TNFRSF10D: variants seen among roughly 807,000 people sequenced by gnomAD.
TNFRSF10D encodes the protein TNF receptor superfamily member 10d.
TNFRSF10D carries 28 observed loss-of-function variants against 42.1 expected under a neutral mutation model. The ratio of observed to expected loss-of-function variants is 0.66; its 90% CI spans 0.49 to 0.91. The LOEUF is 0.91. TNFRSF10D is among the 40% of genes least tolerant of loss of function. The pLI, the probability that TNFRSF10D is intolerant of heterozygous loss-of-function variation, is 0.00. For synonymous variants in TNFRSF10D, 186 were observed against 189.4 expected (o/e 0.98, Z 0.15); for missense variants, 503 against 486.1 (o/e 1.03, Z -0.33).
At chr8:23,158,438 A>G (rs913014931) in intron 1 of TNFRSF10D, among the ~76,000 whole-genome samples, 2 of 152,216 alleles carry the variant, frequency 1.3e-5, no homozygotes, top group Non-Finnish European at 2.9e-5. Context: ...TTCCACAGAC[A>G]GCATCTGTGT....
At chr8:23,150,852 A>G (rs1031016664) in intron 2 of TNFRSF10D, among the ~76,000 whole-genome samples, 1 of 152,098 alleles carries the variant, frequency 6.6e-6, no homozygotes, top group Non-Finnish European at 1.5e-5. Flanking sequence ...TGAAATTACC[A>G]AGTCACAGGA....
In TNFRSF10D at chr8:23,144,460, T is replaced by A. The variant is rs1164714878; in HGVS notation, c.944A>T (p.Gln315Leu). Residue 315 changes from glutamine to leucine, a missense_variant, in exon 7 of 9, where the codon CAG (glutamine) becomes CTG (leucine). By Grantham distance (113) the Gln-to-Leu change is moderately radical. Coordinates refer to ENST00000312584, the MANE Select transcript of TNFRSF10D (RefSeq NM_003840.5). Reference protein sequence around the residue: ...GVTVELPEEPQRLLEQAEAEG... With the variant: ...GVTVELPEEPLRLLEQAEAEG... Reference sequence around the variant, plus strand: ...CCCTCCTCAACTCACCAGCAGACGCTGTGGCTCCTCTGGCAACTCTACAGT... The same window carrying A: ...CCCTCCTCAACTCACCAGCAGACGCAGTGGCTCCTCTGGCAACTCTACAGT... 1 of 1,614,012 alleles carries A rather than the reference T, an allele frequency of 6.2e-7. No individual in the cohort carries two copies. The highest frequency in any genetic ancestry group is 8.5e-7 in the Non-Finnish European group (1 of 1,179,892).
At chr8:23,152,822 C>T (rs111537714) in intron 2 of TNFRSF10D, among the ~76,000 whole-genome samples, 58 of 152,258 alleles carry the variant, frequency 3.8e-4, no homozygotes, top group Admixed American at 2.2e-3. Context: ...CAATGCAATG[C>T]CTATTAAAAT....
At chr8:23,153,896 G>A (rs145093698) in intron 2 of TNFRSF10D, among the ~76,000 whole-genome samples, 927 of 152,204 alleles carry the variant, frequency 6.1e-3, no homozygotes, top group African/African-American at 0.019. Context: ...AATGACATCA[G>A]TATGTTAAAG....
chr8:23,144,675 G>T lies in TNFRSF10D; in HGVS notation c.769-40C>A, dbSNP rs183881529. The stretch of plus-strand genomic sequence containing the variant: ...GAGCCCACTCAAGTCCACACCCCGG[G>T]CTCAGCTTCAGGGTCCCCAGTACAC... On this transcript the variant is annotated intron_variant, in intron 6 of 8. Coordinates refer to ENST00000312584, the MANE Select transcript of TNFRSF10D (RefSeq NM_003840.5). 144 of 1,592,946 alleles carry T rather than the reference G, an allele frequency of 9.0e-5. No individual in the cohort carries two copies. In the African/African-American group the frequency reaches 1.8e-3, roughly 20 times the overall value.
intron 2 of TNFRSF10D, among the ~76,000 whole-genome samples, chr8:23,149,777 G>T (rs1383386851): frequency 5.8e-3 from 876 of 151,940 alleles, no homozygotes; most frequent in African/African-American, 0.018. Flanking sequence ...CAGCTTTGGA[G>T]ACTGGCCAAA....
At chr8:23,148,013 C>T (rs544550692) in intron 3 of TNFRSF10D, among the ~76,000 whole-genome samples, 83 of 141,712 alleles carry the variant, frequency 5.9e-4, no homozygotes, top group African/African-American at 1.9e-3. Flanking sequence ...TGCAGTGAGC[C>T]GAGATCGCGC....
chr8:23,147,856 A>T (rs1800145779), intron 3 of TNFRSF10D, among the ~76,000 whole-genome samples: 1 of 151,842 alleles, frequency 6.6e-6, no homozygotes, highest in Non-Finnish European at 1.5e-5. Flanking sequence ...AGGTCAGGAG[A>T]TCGAGACCAT....
chr8:23,156,724 T>C (rs139021085), intron 1 of TNFRSF10D, among the ~76,000 whole-genome samples: 182 of 152,178 alleles, frequency 1.2e-3, no homozygotes, highest in African/African-American at 4.1e-3. Context: ...AGTGCCCCAA[T>C]GCCTGGGCTA....
intron 2 of TNFRSF10D, among the ~76,000 whole-genome samples, chr8:23,150,043 A>G (rs558171225): frequency 3.9e-5 from 6 of 152,324 alleles, no homozygotes; most frequent in South Asian, 4.1e-4. Context: ...CTGGAAACAC[A>G]TAGAGATAAG....
chr8:23,163,652 G>A, intron 1 of TNFRSF10D, 134 bp downstream of exon 1: 2 of 1,367,646 alleles, frequency 1.5e-6, no homozygotes, highest in East Asian at 2.7e-5. Flanking sequence ...CTCCGACGGC[G>A]GGTTCGTCCT....
chr8:23,144,330 G>A, intron 7 of TNFRSF10D, 120 bp downstream of exon 7: 3 of 1,196,816 alleles, frequency 2.5e-6, no homozygotes, highest in Admixed American at 2.5e-5. Context: ...GCAGTCCCCT[G>A]TCTCCCAAAG....
chr8:23,148,280 A>AT lies in TNFRSF10D; in HGVS notation c.370+157dup, dbSNP rs572000725. ...AAAAGAAAAGAAAAAAAAGATTTCT[A>AT]TTTTTTTTTTTTAATCAACTAGTCA... On this transcript the variant is annotated intron_variant, in intron 3 of 8. Coordinates refer to ENST00000312584, the MANE Select transcript of TNFRSF10D (RefSeq NM_003840.5). 4.0e-3 allele frequency among the ~76,000 whole-genome samples: 577 copies of AT among 145,432 alleles called. 5 individuals are homozygous for AT. The highest frequency in any genetic ancestry group is 0.013 in the African/African-American group (511 of 39,880).
chr8:23,163,848 G>A lies in TNFRSF10D; in HGVS notation c.88C>T (p.Pro30Ser). The part of the protein sequence containing the change: ...PGARTASGTR[P>S]WLLDPKILKF... ...AGGATCTTGGGGTCCAGGAGCCATG[G>A]TCTGGTTCCCGACGCTGTCCTGGCT... Residue 30 changes from proline to serine, a missense_variant, in exon 1 of 9, where the codon CCA (proline) becomes TCA (serine). Physicochemically the swap from Pro to Ser is moderately conservative, Grantham distance 74. Coordinates refer to ENST00000312584, the MANE Select transcript of TNFRSF10D (RefSeq NM_003840.5). The A allele has an allele frequency of 6.2e-7, 1 of 1,607,484 alleles. No homozygotes were observed. Among genetic ancestry groups the A allele is most frequent in the Non-Finnish European group, 8.5e-7 (1 of 1,177,928 alleles).
At chr8:23,139,110 T>A (rs1215330863) in intron 7 of TNFRSF10D, among the ~76,000 whole-genome samples, 1 of 151,958 alleles carries the variant, frequency 6.6e-6, no homozygotes, top group African/African-American at 2.4e-5. Context: ...GAAATAGAAA[T>A]GTATGTCTGG....
Position 23,148,396 on chromosome 8 carries a change from T to C in TNFRSF10D, c.370+42A>G, listed in dbSNP as rs370037197. On this transcript the variant is annotated intron_variant, in intron 3 of 8. Transcript: ENST00000312584. ...TCGGCTACAGCTCCCACCTCATCAC[T>C]ATGCACTCCACCTCTGGGCAAGGGG... 462 of 1,517,310 alleles carry C rather than the reference T, an allele frequency of 3.0e-4. No homozygotes were observed. Among genetic ancestry groups the C allele is most frequent in the Non-Finnish European group, 4.0e-4 (437 of 1,097,052 alleles). The allele number at this position is 1,517,310 out of a possible 1,614,324, so 94.0% of individuals were successfully genotyped here.
chr8:23,163,249 A>C (rs12680145), intron 1 of TNFRSF10D, among the ~76,000 whole-genome samples: 24,916 of 151,002 alleles, frequency 0.17, 2,808 homozygotes, highest in East Asian at 0.59. Flanking sequence ...ATTACAGGCG[A>C]CCGCCATCAC....
chr8:23,148,983 G>A (rs952485006), intron 2 of TNFRSF10D, among the ~76,000 whole-genome samples: 6 of 151,600 alleles, frequency 4.0e-5, no homozygotes, highest in East Asian at 2.0e-4. Flanking sequence ...GAGGTCAGGA[G>A]ATCGAGACCA....
chr8:23,150,361 C>T (rs1385367198), intron 2 of TNFRSF10D, among the ~76,000 whole-genome samples: 1 of 152,230 alleles, frequency 6.6e-6, no homozygotes, highest in Non-Finnish European at 1.5e-5. Context: ...TTGAACCACA[C>T]CACATGGCCT....
Sources: allele counts gnomAD v4.1 joint callset (sites outside exome capture counted in the v4.1 genomes callset), GRCh38; gene constraint gnomAD v4.1.1; transcripts MANE v1.5; gene names NCBI Gene and HGNC (gene_info 2026-07-23, HGNC 2026-07-21).